The following TMEM115 variants were observed in gnomAD, a reference collection of about 807,000 sequenced individuals.
TMEM115 encodes the protein transmembrane protein 115, also known as PP6.
Under a neutral mutation model 20.1 loss-of-function variants are expected in TMEM115, and 8 were observed. The ratio of observed to expected loss-of-function variants is 0.40; its 90% CI spans 0.23 to 0.72. TMEM115 has a LOEUF of 0.72. Ranked by LOEUF, TMEM115 falls within the 30% of genes least tolerant of loss-of-function variation. The probability of loss-of-function intolerance (pLI) is 0.39; values close to 1 mark genes in which losing one functional copy is unlikely to be tolerated. For missense variants in TMEM115, 374 were observed against 455.1 expected (o/e 0.82, Z 1.62); for synonymous variants, 229 against 206.2 (o/e 1.11, Z -0.95).
At position 50,358,602 on chromosome 3, in the gene TMEM115, C is replaced by A. The variant is rs1418375937; in HGVS notation, c.462G>T (p.Gly154=). Residue 154 remains glycine, a synonymous_variant, in exon 1 of 2, where the codon GGG becomes GGT. Transcript: ENST00000266025. The part of the protein sequence containing the change: ...GVLVALKQTM[G]DCVVLRVPQV... ...GGGGCACTCGCAGGACCACACAGTC[C>A]CCCATGGTTTGCTTGAGTGCCACCA... The A allele has an allele frequency of 6.2e-7, 1 of 1,612,284 alleles. No individual in the cohort carries two copies. Among genetic ancestry groups the A allele is most frequent in the Admixed American group, 1.7e-5 (1 of 59,846 alleles).
chr3:50,359,384 C>T lies in TMEM115; in HGVS notation c.-321G>A, dbSNP rs1040702612. ...GTTGACCTCAGGGCTGGGCCTCCTC[C>T]ATCCACTGCGAGGCCCTTCGGTTCG... On this transcript the variant is annotated 5_prime_UTR_variant, in exon 1 of 2. The change abolishes an upstream ATG in the 5' untranslated region. Transcript: ENST00000266025. The T allele has an allele frequency of 6.0e-6, 2 of 334,164 alleles. No homozygotes were observed. Among genetic ancestry groups the T allele is most frequent in the Non-Finnish European group, 1.1e-5 (2 of 179,588 alleles). The allele number at this position is 334,164 out of a possible 1,614,324, so 20.7% of individuals were successfully genotyped here. A position where few individuals can be genotyped will look rare whatever the true frequency, so the allele number is the denominator to read the frequency against.
In TMEM115 at chr3:50,355,517, C is replaced by T; in HGVS notation, c.882G>A (p.Arg294=). The change falls in exon 2 of 2, where the codon CGG becomes CGA. Residue 294 remains arginine, a synonymous_variant. Transcript: ENST00000266025. ...TGGACTGGTCTTCCACTCTCTTCAG[C>T]CGCTCATTGAGTGCCTTCAGGGCCA... ...RQLALKALNE[R]LKRVEDQSIW... is the part of the protein sequence containing the mutation. 1 of 1,604,938 alleles carries T rather than the reference C, an allele frequency of 6.2e-7. No homozygotes were observed. The highest frequency in any genetic ancestry group is 8.5e-7 in the Non-Finnish European group (1 of 1,175,550).
chr3:50,356,889 T>TC (rs1219962476), intron 1 of TMEM115, among the ~76,000 whole-genome samples: 13 of 152,008 alleles, frequency 8.6e-5, no homozygotes, highest in Non-Finnish European at 1.8e-4. Flanking sequence ...CCAACCTGCT[T>TC]CCCCCCTGTC....
chr3:50,355,169 T>G lies in TMEM115; in HGVS notation c.*174A>C. Reference sequence around the variant, plus strand: ...GGCCTGGCATAGTGGTTGTCTGGAGTTGGAACCAGGTAGCAAGAGTCCTGG... The same window carrying G: ...GGCCTGGCATAGTGGTTGTCTGGAGGTGGAACCAGGTAGCAAGAGTCCTGG... On this transcript the variant is annotated 3_prime_UTR_variant, in exon 2 of 2. Transcript: ENST00000266025. 2 of 457,214 alleles carry G rather than the reference T, an allele frequency of 4.4e-6. No individual in the cohort carries two copies. Among genetic ancestry groups the G allele is most frequent in the Non-Finnish European group, 7.6e-6 (2 of 262,346 alleles). 28.3% of individuals were successfully genotyped at this position (457,214 alleles called of 1,614,324 possible). A position where few individuals can be genotyped will look rare whatever the true frequency, so the allele number is the denominator to read the frequency against.
In TMEM115 at chr3:50,358,827, C is replaced by T. The variant is rs1703917692; in HGVS notation, c.237G>A (p.Leu79=). The change falls in exon 1 of 2, where the codon CTG becomes CTA. Residue 79 remains leucine (L), a synonymous_variant. Transcript: ENST00000266025. The part of the protein sequence containing the change: ...EQHVWDVAIS[L]TTVVVAGRLL... ...AACGCCCGGCCACCACCACCGTTGT[C>T]AGGCTGATGGCCACGTCCCACACAT... 1 of 1,613,200 alleles carries T rather than the reference C, an allele frequency of 6.2e-7. No individual in the cohort carries two copies. The highest frequency in any genetic ancestry group is 8.5e-7 in the Non-Finnish European group (1 of 1,180,044).
chr3:50,356,483 C>T (rs766039476), intron 1 of TMEM115, among the ~76,000 whole-genome samples: 2 of 152,240 alleles, frequency 1.3e-5, no homozygotes, highest in Non-Finnish European at 2.9e-5. Context: ...AAAATCTCCA[C>T]CATGTCAGGG....
Position 50,359,026 on chromosome 3 carries a change from C to T in TMEM115, c.38G>A (p.Gly13Glu), listed in dbSNP as rs1703921791. The T allele has an allele frequency of 1.3e-6, 2 of 1,561,898 alleles. No homozygotes were observed. Among genetic ancestry groups the T allele is most frequent in the East Asian group, 2.4e-5 (1 of 41,710 alleles). Residue 13 changes from glycine to glutamate, a missense_variant, in exon 1 of 2, where the codon GGG becomes GAG. By Grantham distance (98) the Gly-to-Glu change is moderately conservative. Transcript: ENST00000266025. ...RALPGARQHL[G>E]AILASASVVV... ...CACGCTGGCGCTGGCCAGAATGGCC[C>T]CCAAGTGCTGGCGGGCGCCTGGCAG...
Position 50,358,668 on chromosome 3 carries a change from A to G in TMEM115, c.396T>C (p.Thr132=). 1.2e-6 allele frequency: 2 copies of G among 1,613,422 alleles called. No individual in the cohort carries two copies. Among genetic ancestry groups the G allele is most frequent in the South Asian group, 2.2e-5 (2 of 91,086 alleles). Residue 132 remains threonine, a synonymous_variant, in exon 1 of 2, where the codon ACT becomes ACC. Coordinates refer to ENST00000266025, the MANE Select transcript of TMEM115 (RefSeq NM_007024.5). ...MASFNLVYLF[T]VRIHGALGFL... ...AGCCCAAGGCGCCGTGGATACGGAC[A>G]GTGAACAGGTAGACCAGGTTGAAGG... is the stretch of plus-strand genomic sequence containing the variant.
intron 1 of TMEM115, 93 bp from the exon 2 acceptor site, chr3:50,355,640 A>C (rs1283938417): frequency 9.1e-7 from 1 of 1,098,588 alleles, no homozygotes; most frequent in East Asian, 2.9e-5. Context: ...TCACCGTACC[A>C]CCTAGACTCC....
In TMEM115 at chr3:50,355,188, G is replaced by T; in HGVS notation, c.*155C>A. ...CTGGAGTTGGAACCAGGTAGCAAGA[G>T]TCCTGGGTAGTGTTGGCGAGAAACA... is the stretch of plus-strand genomic sequence containing the variant. On this transcript the variant is annotated 3_prime_UTR_variant, in exon 2 of 2. Transcript: ENST00000266025. 1 of 537,396 alleles carries T rather than the reference G, an allele frequency of 1.9e-6. No individual in the cohort carries two copies. 33.3% of individuals were successfully genotyped at this position (537,396 alleles called of 1,614,324 possible). A position where few individuals can be genotyped will look rare whatever the true frequency, so the allele number is the denominator to read the frequency against.
intron 1 of TMEM115, 34 bp downstream of exon 1, chr3:50,358,179 T>G: frequency 6.2e-7 from 1 of 1,606,296 alleles, no homozygotes; most frequent in Non-Finnish European, 8.5e-7. Context: ...AGTATGCTCC[T>G]AGCTTGACAA....
intron 1 of TMEM115, among the ~76,000 whole-genome samples, chr3:50,357,586 C>G (rs898488711): frequency 3.9e-5 from 6 of 152,172 alleles, no homozygotes; most frequent in Admixed American, 1.3e-4. Flanking sequence ...CTGTGGATAG[C>G]TTGGTTTACA....
chr3:50,358,915 C>G lies in TMEM115; in HGVS notation c.149G>C (p.Gly50Ala). ...VDTGCLAVTP[G>A]YLFPPNFWIW... ...CCAGAAGTTGGGAGGAAAGAGGTAG[C>G]CCGGGGTGACCGCCAGGCAGCCTGT... Residue 50 changes from glycine (G) to alanine (A), a missense_variant, in exon 1 of 2, where the codon GGC (glycine) becomes GCC (alanine). By Grantham distance (60) the Gly-to-Ala change is moderately conservative (BLOSUM62 0). Coordinates refer to ENST00000266025, the MANE Select transcript of TMEM115 (RefSeq NM_007024.5). The G allele has an allele frequency of 6.2e-7, 1 of 1,612,894 alleles. No homozygotes were observed. The highest frequency in any genetic ancestry group is 8.5e-7 in the Non-Finnish European group (1 of 1,179,948).
Position 50,359,095 on chromosome 3 carries a change from T to C in TMEM115, c.-32A>G. The stretch of plus-strand genomic sequence containing the variant: ...GGCGGCTGTCGGCCTGAGAAAAGGG[T>C]CTGGTAGGCCAGGGGCCTCCCCGGG... On this transcript the variant is annotated 5_prime_UTR_variant, in exon 1 of 2. Transcript: ENST00000266025. 6.5e-7 allele frequency: 1 copy of C among 1,535,546 alleles called. No homozygotes were observed. The highest frequency in any genetic ancestry group is 8.8e-7 in the Non-Finnish European group (1 of 1,139,448).
chr3:50,357,897 G>A (rs1365780473), intron 1 of TMEM115, among the ~76,000 whole-genome samples: 1 of 152,222 alleles, frequency 6.6e-6, no homozygotes, highest in Non-Finnish European at 1.5e-5. Flanking sequence ...GGCTCCCACA[G>A]GCCCAATGTC....
chr3:50,359,223 C>T lies in TMEM115; in HGVS notation c.-160G>A, dbSNP rs969306418. ...CTTCCGATCGGGTGGGGCTCTGGTC[C>T]CGAGGGGCCGAGTCGGGCCTTGTTG... is the stretch of plus-strand genomic sequence containing the variant. On this transcript the variant is annotated 5_prime_UTR_variant, in exon 1 of 2. Coordinates refer to ENST00000266025, the MANE Select transcript of TMEM115 (RefSeq NM_007024.5). 60 of 1,177,590 alleles carry T rather than the reference C, an allele frequency of 5.1e-5. No individual in the cohort carries two copies. Among genetic ancestry groups the T allele is most frequent in the Non-Finnish European group, 5.8e-6 (5 of 867,196 alleles). The allele number at this position is 1,177,590 out of a possible 1,614,324, so 72.9% of individuals were successfully genotyped here.
Position 50,355,352 on chromosome 3 carries a change from C to T in TMEM115, c.1047G>A (p.Pro349=), listed in dbSNP as rs367860418. ...SSLITFEAAP[P]TL Reference sequence around the variant, plus strand: ...TCAAGGTGGTCTGGAGTTACAGCGTCGGGGGAGCTGCCTCGAAGGTGATTA... The same window carrying T: ...TCAAGGTGGTCTGGAGTTACAGCGTTGGGGGAGCTGCCTCGAAGGTGATTA... The change falls in exon 2 of 2, where the codon CCG becomes CCA. Residue 349 remains proline, a synonymous_variant. Transcript: ENST00000266025. 1.7e-5 allele frequency: 25 copies of T among 1,494,034 alleles called. No individual in the cohort carries two copies. In the East Asian group the frequency reaches 2.3e-4, roughly 14 times the overall value. The allele number at this position is 1,494,034 out of a possible 1,614,324, so 92.5% of individuals were successfully genotyped here.
In TMEM115 at chr3:50,359,044, C is replaced by T; in HGVS notation, c.20G>A (p.Gly7Asp). The T allele has an allele frequency of 6.4e-7, 1 of 1,552,496 alleles. No individual in the cohort carries two copies. Among genetic ancestry groups the T allele is most frequent in the Non-Finnish European group, 8.7e-7 (1 of 1,148,104 alleles). MQRALPGARQHLGAILA... is the reference protein window; with the variant it reads MQRALPDARQHLGAILA... The stretch of plus-strand genomic sequence containing the variant: ...AATGGCCCCCAAGTGCTGGCGGGCG[C>T]CTGGCAGGGCACGTTGCATCTTCCT... Residue 7 changes from glycine to aspartate, a missense_variant, in exon 1 of 2, where the codon GGC becomes GAC. Physicochemically the swap from Gly to Asp is moderately conservative, Grantham distance 94. Coordinates refer to ENST00000266025, the MANE Select transcript of TMEM115 (RefSeq NM_007024.5).
chr3:50,355,991 G>GT (rs1341100863), intron 1 of TMEM115, among the ~76,000 whole-genome samples: 7 of 152,232 alleles, frequency 4.6e-5, no homozygotes. Context: ...CCCTCTCCTG[G>GT]TTAGGGGTAT....
Sources: gnomAD v4.1 joint callset for allele counts (sites outside exome capture counted in the v4.1 genomes callset) on GRCh38, gnomAD v4.1.1 for gene constraint, MANE v1.5 for transcripts, NCBI Gene and HGNC (gene_info 2026-07-23, HGNC 2026-07-21) for gene names.